LCOR: variants seen among roughly 807,000 people sequenced by gnomAD.
The protein encoded by LCOR is ligand-dependent corepressor.
A neutral mutation model predicts 64.4 loss-of-function variants in LCOR; 14 were observed. The observed-to-expected ratio is 0.22, with a 90% confidence interval of 0.14 to 0.34. The LOEUF is 0.34. LCOR is among the 10% of genes least tolerant of loss of function. The pLI, the probability that LCOR is intolerant of heterozygous loss-of-function variation, is 1.00. For missense variants in LCOR, 1,686 were observed against 1,765.3 expected (o/e 0.96, Z 0.80); for synonymous variants, 643 against 642.5 (o/e 1.00, Z -0.01).
At chr10:96,942,226 G>A (rs1452085255) in intron 4 of LCOR, among the ~76,000 whole-genome samples, 74 of 151,692 alleles carry the variant, frequency 4.9e-4, no homozygotes, top group African/African-American at 1.7e-3. Flanking sequence ...GATCACTCGC[G>A]GTTAGGAGCT....
At chr10:96,938,554 G>T (rs996260463) in intron 4 of LCOR, among the ~76,000 whole-genome samples, 2 of 151,778 alleles carry the variant, frequency 1.3e-5, no homozygotes, top group Non-Finnish European at 2.9e-5. Flanking sequence ...ACAATAAAAA[G>T]AAACCAAAGT....
chr10:96,905,759 T>C (rs961944023), intron 2 of LCOR, among the ~76,000 whole-genome samples: 2 of 152,246 alleles, frequency 1.3e-5, no homozygotes, highest in African/African-American at 4.8e-5. Context: ...TGGAATAATC[T>C]TGATGGGAAT....
chr10:96,981,588 T>C lies in LCOR; in HGVS notation c.1128T>C (p.Pro376=). 6.2e-7 allele frequency: 1 copy of C among 1,614,218 alleles called. No individual in the cohort carries two copies. Among genetic ancestry groups the C allele is most frequent in the Admixed American group, 1.7e-5 (1 of 60,034 alleles). ...ATACTTTACAGTGTCCAAAAACACC[T>C]TTGCGCCAGGATTTAGAGGCAAATG... is the stretch of plus-strand genomic sequence containing the variant. ...KENTLQCPKT[P]LRQDLEANEQ... Residue 376 remains proline, a synonymous_variant, in exon 8 of 8, where the codon CCT becomes CCC. Coordinates refer to ENST00000421806, the MANE Select transcript of LCOR (RefSeq NM_001346516.2).
In LCOR at chr10:96,983,407, C is replaced by G. The variant is rs746070878; in HGVS notation, c.2947C>G (p.Pro983Ala). The G allele has an allele frequency of 6.4e-5, 104 of 1,614,022 alleles. No homozygotes were observed. The highest frequency in any genetic ancestry group is 8.0e-5 in the Non-Finnish European group (94 of 1,180,038). ...GGCAAAAGAAGAGCCAGGGCATATT[C>G]CCACACAGCATGTGGAGGAGGCTGT... ...EQAKEEPGHI[P>A]TQHVEEAVNE... Residue 983 changes from proline to alanine, a missense_variant, in exon 8 of 8, where the codon CCC (proline) becomes GCC (alanine). Around this residue, in one of 3 missense-constraint regions of LCOR, gnomAD observed 1,293 missense variants for 1,410.4 expected, o/e 0.92. Transcript: ENST00000421806. The surrounding 1 kb of genome is among the most constrained non-coding windows in gnomAD (Gnocchi z 4.5).
intron 4 of LCOR, among the ~76,000 whole-genome samples, chr10:96,940,354 T>C (rs1423925681): frequency 7.9e-6 from 1 of 127,138 alleles, no homozygotes; most frequent in Non-Finnish European, 1.7e-5. Flanking sequence ...TCTTGGGTGT[T>C]TCTCGCAGAG....
At chr10:96,917,878 A>G (rs1373929116) in intron 4 of LCOR, among the ~76,000 whole-genome samples, 2 of 152,174 alleles carry the variant, frequency 1.3e-5, no homozygotes, top group Non-Finnish European at 2.9e-5. Context: ...ATTAAAAGTC[A>G]ATTAGAAGTC....
At chr10:96,903,459 A>G (rs541412270) in intron 2 of LCOR, among the ~76,000 whole-genome samples, 2 of 152,222 alleles carry the variant, frequency 1.3e-5, no homozygotes, top group South Asian at 2.1e-4. Context: ...ACAAGCTTGC[A>G]TACAAGATCC....
chr10:96,872,070 T>G (rs1846081338), intron 2 of LCOR, among the ~76,000 whole-genome samples: 1 of 152,104 alleles, frequency 6.6e-6, no homozygotes, highest in African/African-American at 2.4e-5. Context: ...CTGAGATGAG[T>G]ACTGTTCCTA....
At chr10:96,925,327 G>A (rs558446286) in intron 4 of LCOR, among the ~76,000 whole-genome samples, 5 of 152,036 alleles carry the variant, frequency 3.3e-5, no homozygotes, top group Admixed American at 2.0e-4. Context: ...CACCTGCCTC[G>A]GCCTCCCAAA....
intron 4 of LCOR, 23 bp from the exon 5 acceptor site, chr10:96,944,090 T>C: frequency 1.0e-6 from 1 of 985,598 alleles, no homozygotes. Flanking sequence ...TGTGTGCAAC[T>C]ATTTCACCAA....
intron 2 of LCOR, among the ~76,000 whole-genome samples, chr10:96,847,511 C>G (rs1304853462): frequency 1.3e-5 from 2 of 152,006 alleles, no homozygotes; most frequent in East Asian, 1.9e-4. Flanking sequence ...GGCACGATCT[C>G]GGCTCACCGC....
At position 96,983,323 on chromosome 10, in the gene LCOR, G is replaced by T. The variant is rs754870114; in HGVS notation, c.2863G>T (p.Asp955Tyr). 2.5e-6 allele frequency: 4 copies of T among 1,614,066 alleles called. No homozygotes were observed. Among genetic ancestry groups the T allele is most frequent in the African/African-American group, 1.3e-5 (1 of 74,922 alleles). ...GGAAATCTATGTTCAGTCTAAAATG[G>T]ATGAGAAGAATGCTCATATCCCCTC... is the stretch of plus-strand genomic sequence containing the variant. ...RLEIYVQSKM[D>Y]EKNAHIPSES... Residue 955 changes from aspartate to tyrosine, a missense_variant, in exon 8 of 8, where the codon GAT (aspartate) becomes TAT (tyrosine). Coordinates refer to ENST00000421806, the MANE Select transcript of LCOR (RefSeq NM_001346516.2). The surrounding 1 kb of genome is among the most constrained non-coding windows in gnomAD (Gnocchi z 4.5).
intron 7 of LCOR, among the ~76,000 whole-genome samples, chr10:96,973,298 A>G (rs996923401): frequency 2.0e-5 from 3 of 152,204 alleles, no homozygotes; most frequent in African/African-American, 7.2e-5. Flanking sequence ...AAGTACACCT[A>G]TGGCTTTCTA....
intron 6 of LCOR, among the ~76,000 whole-genome samples, chr10:96,950,707 T>A (rs1042439480): frequency 1.3e-5 from 2 of 152,066 alleles, no homozygotes; most frequent in Non-Finnish European, 2.9e-5. Context: ...AGTAAAAAAA[T>A]TTTAAATTAT....
chr10:96,888,378 A>AAAAAAAAAAAAAAAAAC (rs1846382247), intron 2 of LCOR, among the ~76,000 whole-genome samples: 1 of 148,758 alleles, frequency 6.7e-6, no homozygotes, highest in African/African-American at 2.5e-5. Context: ...AAAAAAAAAA[A>AAAAAAAAAAAAAAAAAC]AAAAAAAAAA....
chr10:96,957,998 A>G (rs1042138979), intron 7 of LCOR: 117 of 994,378 alleles, frequency 1.2e-4, no homozygotes, highest in Non-Finnish European at 1.4e-4. Context: ...TATGGTTTTC[A>G]TCTGTAATTG....
Position 96,983,543 on chromosome 10 carries a change from A to G in LCOR, c.3083A>G (p.Lys1028Arg). ...SGSGDAARAPKSVPRPKRLTS... is the reference protein window; with the variant it reads ...SGSGDAARAPRSVPRPKRLTS... ...AGTGGTGATGCTGCTAGGGCACCAA[A>G]ATCGGTGCCAAGGCCTAAAAGATTG... Residue 1028 changes from lysine to arginine, a missense_variant, in exon 8 of 8, where the codon AAA (lysine) becomes AGA (arginine). Transcript: ENST00000421806. This position sits in a 1 kb window ranked among gnomAD's most constrained non-coding sequence, Gnocchi z 4.5. The G allele has an allele frequency of 6.2e-7, 1 of 1,614,122 alleles. No individual in the cohort carries two copies. Among genetic ancestry groups the G allele is most frequent in the South Asian group, 1.1e-5 (1 of 91,084 alleles).
intron 2 of LCOR, among the ~76,000 whole-genome samples, chr10:96,844,490 C>T (rs1845594323): frequency 6.6e-6 from 1 of 151,978 alleles, no homozygotes; most frequent in South Asian, 2.1e-4. Flanking sequence ...GTTTCTCTAC[C>T]CATAATCTTA....
At chr10:96,911,093 CTTT>C (rs71007308) in intron 4 of LCOR, among the ~76,000 whole-genome samples, 10 of 114,138 alleles carry the variant, frequency 8.8e-5, no homozygotes, top group African/African-American at 2.5e-4. Context: ...TACATGTTCC[CTTT>C]TTTTTTTTTT....
Sources: gnomAD v4.1 joint callset for allele counts (sites outside exome capture counted in the v4.1 genomes callset) on GRCh38, gnomAD v4.1.1 for gene constraint, gnomAD v4.1.1 regional missense constraint, Gnocchi (gnomAD v3.1) non-coding constraint, MANE v1.5 for transcripts, NCBI Gene and HGNC (gene_info 2026-07-23, HGNC 2026-07-21) for gene names.